The following FRMD4A variants were observed in gnomAD, a reference collection of about 807,000 sequenced individuals.
FRMD4A encodes the protein FERM domain containing 4A.
Under a neutral mutation model 129.1 loss-of-function variants are expected in FRMD4A, and 29 were observed. The observed-to-expected ratio is 0.22, with a 90% CI of 0.17 to 0.31. The LOEUF (loss-of-function observed/expected upper bound fraction) is 0.31. Ranked by LOEUF, FRMD4A falls within the 10% of genes least tolerant of loss-of-function variation. The pLI, the probability that FRMD4A is intolerant of heterozygous loss-of-function variation, is 1.00. For synonymous variants in FRMD4A, 634 were observed against 571.6 expected, an observed-to-expected ratio of 1.11 and a Z score of -1.56; for missense variants, 1,272 against 1,375.8, an observed-to-expected ratio of 0.92 and a Z score of 1.19.
At chr10:13,717,659 A>G (rs1589524927) in intron 12 of FRMD4A, among the ~76,000 whole-genome samples, 2 of 121,278 alleles carry the variant, frequency 1.6e-5, no homozygotes, top group African/African-American at 3.2e-5. Flanking sequence ...ACTACTTTGG[A>G]GGACAGGCTT....
At chr10:13,951,890 AAATAATAATAATAAT>A (rs5783371) in intron 2 of FRMD4A, among the ~76,000 whole-genome samples, 2 of 127,654 alleles carry the variant, frequency 1.6e-5, no homozygotes, top group Non-Finnish European at 3.5e-5. Context: ...ACTCTGTCTC[AAATAATAATAATAAT>A]AATAATAATA....
At chr10:13,986,007 CA>C (rs2095579832) in intron 2 of FRMD4A, among the ~76,000 whole-genome samples, 1 of 152,174 alleles carries the variant, frequency 6.6e-6, no homozygotes, top group African/African-American at 2.4e-5. Flanking sequence ...TGGCTTTGGT[CA>C]TCTCTTTTGT....
intron 2 of FRMD4A, among the ~76,000 whole-genome samples, chr10:14,212,572 G>A (rs1329116350): frequency 2.0e-5 from 3 of 152,138 alleles, no homozygotes; most frequent in African/African-American, 4.8e-5. Flanking sequence ...TGAAAAAAAC[G>A]ATATACACAC....
chr10:13,893,211 A>AT (rs1216733673), intron 2 of FRMD4A, among the ~76,000 whole-genome samples: 2 of 151,748 alleles, frequency 1.3e-5, no homozygotes, highest in Non-Finnish European at 2.9e-5. Flanking sequence ...TAATTTTTGT[A>AT]TTTTTTGTAG....
intron 2 of FRMD4A, among the ~76,000 whole-genome samples, chr10:13,955,112 C>CTGTTTTTTTTTTTTT (rs2095401700): frequency 9.7e-6 from 1 of 102,974 alleles, no homozygotes; most frequent in Non-Finnish European, 1.8e-5. Context: ...AATAATTCTG[C>CTGTTTTTTTTTTTTT]TTTTTTTTTT....
intron 2 of FRMD4A, among the ~76,000 whole-genome samples, chr10:14,148,024 T>C (rs1387345027): frequency 6.6e-6 from 1 of 152,176 alleles, no homozygotes; most frequent in Admixed American, 6.5e-5. Flanking sequence ...TATTCTTAGA[T>C]CTCTGTCTGG....
At chr10:13,970,070 A>AT (rs919484082) in intron 2 of FRMD4A, among the ~76,000 whole-genome samples, 13 of 151,854 alleles carry the variant, frequency 8.6e-5, no homozygotes, top group African/African-American at 1.9e-4. Flanking sequence ...CAGCTGGGGG[A>AT]TTTTTTTTCC....
chr10:14,038,471 G>C (rs1833611577), intron 2 of FRMD4A, among the ~76,000 whole-genome samples: 3 of 152,150 alleles, frequency 2.0e-5, no homozygotes, highest in African/African-American at 4.8e-5. Context: ...AAAAACAAAG[G>C]GCAATTCATC....
At chr10:13,689,546 ATTC>A (rs1488917107) in intron 15 of FRMD4A, among the ~76,000 whole-genome samples, 71 of 104,470 alleles carry the variant, frequency 6.8e-4, no homozygotes, top group Non-Finnish European at 1.2e-3. Context: ...AGATTAGAAG[ATTC>A]TTTTTTTTTT....
At chr10:14,310,568 T>C (rs1480382791) in intron 2 of FRMD4A, among the ~76,000 whole-genome samples, 2 of 152,002 alleles carry the variant, frequency 1.3e-5, no homozygotes. Flanking sequence ...GGAGGCTCCA[T>C]CCTCCCTTTT....
At chr10:13,731,159 C>A (rs923992278) in intron 12 of FRMD4A, among the ~76,000 whole-genome samples, 1 of 152,110 alleles carries the variant, frequency 6.6e-6, no homozygotes, top group Non-Finnish European at 1.5e-5. Context: ...GAATTCCAAC[C>A]GTAGCCATGA....
At chr10:13,811,816 C>G (rs1189176057) in intron 3 of FRMD4A, among the ~76,000 whole-genome samples, 1 of 151,826 alleles carries the variant, frequency 6.6e-6, no homozygotes, top group East Asian at 1.9e-4. Flanking sequence ...AATACATTGC[C>G]TCTATGAAAA....
chr10:14,324,507 C>T (rs551374745), intron 2 of FRMD4A, among the ~76,000 whole-genome samples: 2 of 152,300 alleles, frequency 1.3e-5, no homozygotes, highest in Non-Finnish European at 2.9e-5. Context: ...GCCTGGATGG[C>T]CCCATTCTGT....
At chr10:14,160,932 C>G (rs1211950335) in intron 2 of FRMD4A, among the ~76,000 whole-genome samples, 1 of 152,046 alleles carries the variant, frequency 6.6e-6, no homozygotes, top group African/African-American at 2.4e-5. Context: ...ATTAGTACAG[C>G]CATTATGGAA....
At chr10:14,018,329 G>A (rs576127597) in intron 2 of FRMD4A, among the ~76,000 whole-genome samples, 10 of 151,490 alleles carry the variant, frequency 6.6e-5, no homozygotes, top group Admixed American at 2.0e-4. Context: ...GGTGGCAGGC[G>A]TCTGTAGTCC....
chr10:13,703,099 T>A (rs1389668675), intron 13 of FRMD4A, among the ~76,000 whole-genome samples: 1 of 151,112 alleles, frequency 6.6e-6, no homozygotes, highest in African/African-American at 2.4e-5. Context: ...AATGAATGAC[T>A]TTTTTTTCCC....
intron 2 of FRMD4A, among the ~76,000 whole-genome samples, chr10:14,215,794 G>C (rs1383128870): frequency 6.6e-6 from 1 of 152,100 alleles, no homozygotes; most frequent in Admixed American, 6.5e-5. Flanking sequence ...TTTAACCCAA[G>C]AACGAGGAAA....
chr10:13,659,605 C>T, intron 20 of FRMD4A, 115 bp from the exon 21 acceptor site: 2 of 1,054,960 alleles, frequency 1.9e-6, no homozygotes, highest in Admixed American at 2.1e-5. Flanking sequence ...CCGTGACTCC[C>T]ACCTCGCTTG....
At chr10:13,907,358 G>T (rs2094892435) in intron 2 of FRMD4A, among the ~76,000 whole-genome samples, 1 of 152,152 alleles carries the variant, frequency 6.6e-6, no homozygotes, top group Non-Finnish European at 1.5e-5. Flanking sequence ...CAGCAAGACT[G>T]CACAGCAGGT....
Sources: gnomAD v4.1 joint callset for allele counts (sites outside exome capture counted in the v4.1 genomes callset) on GRCh38, gnomAD v4.1.1 for gene constraint, MANE v1.5 for transcripts, NCBI Gene and HGNC (gene_info 2026-07-23, HGNC 2026-07-21) for gene names.